ATP6V1E2: variants seen among roughly 807,000 people sequenced by gnomAD.
ATP6V1E2 encodes the protein V-type proton ATPase subunit E 2.
For missense variants in ATP6V1E2, 308 were observed against 273.3 expected (o/e 1.13, Z -0.90); for synonymous variants, 121 against 104.2 (o/e 1.16, Z -0.98).
intron 4 of ATP6V1E2, among the ~76,000 whole-genome samples, chr2:46,515,870 C>T (rs1390347766): frequency 6.6e-6 from 1 of 152,092 alleles, no homozygotes; most frequent in Non-Finnish European, 1.5e-5. Flanking sequence ...CAAGAGAGGG[C>T]AGGGGTGGCC....
intron 4 of ATP6V1E2, among the ~76,000 whole-genome samples, chr2:46,518,758 TTGTGTGTGTGTGTGTGTGTGTGTGTGTG>T (rs70940621): frequency 2.0e-4 from 28 of 140,630 alleles, no homozygotes; most frequent in South Asian, 6.8e-4. Context: ...CAAGTCAATT[TTGTGTGTGTGTGTGTGTGTGTGTGTGTG>T]TGTGTGTGTG....
rs543702469 is a variant in ATP6V1E2, at chr2:46,525,389, A to G, written c.-102+10424T>C. On this transcript the variant is annotated intron_variant, in intron 4 of 4. Coordinates refer to ENST00000522587, the MANE Select transcript of ATP6V1E2 (RefSeq NM_001318063.2). ...AGGCAGGAGAATGGCGTGAACCCGG[A>G]AGGCGGAGCTTGCAGTGAGCCGAGA... 9.6e-3 allele frequency among the ~76,000 whole-genome samples: 1,428 copies of G among 149,238 alleles called. 20 individuals carry two copies. Among genetic ancestry groups the G allele is most frequent in the African/African-American group, 0.032 (1,293 of 40,882 alleles).
chr2:46,514,295 TAAAAAGA>T (rs113728104), intron 4 of ATP6V1E2, among the ~76,000 whole-genome samples: 7 of 149,798 alleles, frequency 4.7e-5, no homozygotes, highest in South Asian at 2.1e-4. Flanking sequence ...AATAAATAAA[TAAAAAGA>T]AAAAAGAAAA....
At chr2:46,524,393 A>G (rs1473822489) in intron 4 of ATP6V1E2, among the ~76,000 whole-genome samples, 1 of 152,230 alleles carries the variant, frequency 6.6e-6, no homozygotes, top group African/African-American at 2.4e-5. Flanking sequence ...TCAACATAGT[A>G]CCTTAACTTG....
intron 3 of ATP6V1E2, 133 bp from the exon 4 acceptor site, chr2:46,536,060 G>A (rs952419737): frequency 6.6e-6 from 1 of 152,216 alleles, no homozygotes; most frequent in Non-Finnish European, 1.5e-5. Context: ...CTAAGGAAAT[G>A]TCCTTTCCTA....
At chr2:46,518,243 T>G (rs1021520287) in intron 4 of ATP6V1E2, among the ~76,000 whole-genome samples, 28 of 152,188 alleles carry the variant, frequency 1.8e-4, no homozygotes, top group African/African-American at 6.5e-4. Flanking sequence ...AATAAGCCCA[T>G]GATAGAAGAT....
chr2:46,518,443 A>G (rs1435668719), intron 4 of ATP6V1E2, among the ~76,000 whole-genome samples: 1 of 151,266 alleles, frequency 6.6e-6, no homozygotes, highest in Non-Finnish European at 1.5e-5. Flanking sequence ...ACATACAGTT[A>G]ACAGTACTGT....
chr2:46,521,079 G>C (rs1288285509), intron 4 of ATP6V1E2, among the ~76,000 whole-genome samples: 1 of 152,146 alleles, frequency 6.6e-6, no homozygotes, highest in South Asian at 2.1e-4. Context: ...CGTGGGAAAG[G>C]TCTTTATTTC....
At chr2:46,529,807 T>G (rs190886472) in intron 4 of ATP6V1E2, among the ~76,000 whole-genome samples, 341 of 152,002 alleles carry the variant, frequency 2.2e-3, no homozygotes, top group African/African-American at 7.8e-3. Context: ...ATTGAACCCA[T>G]GGATGAATGA....
At chr2:46,515,169 C>T (rs753664250) in intron 4 of ATP6V1E2, among the ~76,000 whole-genome samples, 1 of 152,108 alleles carries the variant, frequency 6.6e-6, no homozygotes, top group Non-Finnish European at 1.5e-5. Context: ...GGCCACTAGA[C>T]AGCATATGAA....
chr2:46,532,288 T>C (rs7607633), intron 4 of ATP6V1E2, among the ~76,000 whole-genome samples: 31,309 of 151,634 alleles, frequency 0.21, 3,915 homozygotes, highest in Admixed American at 0.29. Context: ...CCTAAGACCA[T>C]TGAATGATCT....
intron 4 of ATP6V1E2, chr2:46,519,864 T>C (rs910520752): frequency 2.6e-5 from 4 of 152,208 alleles, no homozygotes; most frequent in Non-Finnish European, 5.9e-5. Context: ...TATGAATGAT[T>C]AGGTTTCCAC....
intron 4 of ATP6V1E2, among the ~76,000 whole-genome samples, chr2:46,518,756 TTTTG>T (rs1666438873): frequency 1.7e-5 from 2 of 115,232 alleles, no homozygotes; most frequent in South Asian, 5.8e-4. Context: ...GACAAGTCAA[TTTTG>T]TGTGTGTGTG....
chr2:46,533,037 G>T (rs1667255950), intron 4 of ATP6V1E2, among the ~76,000 whole-genome samples: 1 of 150,392 alleles, frequency 6.6e-6, no homozygotes. Context: ...TATTAGTTTT[G>T]CCTTAGATGG....
Position 46,541,770 on chromosome 2 carries a change from G to T in ATP6V1E2, c.-373-317C>A, listed in dbSNP as rs1222749415. On this transcript the variant is annotated intron_variant, in intron 1 of 4. Coordinates refer to ENST00000522587, the MANE Select transcript of ATP6V1E2 (RefSeq NM_001318063.2). ...GTTCAATGCTGCATTCTTGGCCAGT[G>T]AACAGGACCTGGCCAGATGGGTGTG... 3 of 152,334 alleles carry T rather than the reference G, an allele frequency of 2.0e-5. No homozygotes were observed. The South Asian group carries it at 6.2e-4, about 32-fold the overall frequency. 9.4% of individuals were successfully genotyped at this position (152,334 alleles called of 1,614,324 possible). A position where few individuals can be genotyped will look rare whatever the true frequency, so the allele number is the denominator to read the frequency against.
At chr2:46,534,149 A>G (rs1667328175) in intron 4 of ATP6V1E2, among the ~76,000 whole-genome samples, 1 of 152,152 alleles carries the variant, frequency 6.6e-6, no homozygotes, top group Non-Finnish European at 1.5e-5. Flanking sequence ...TGGCCTTCAA[A>G]TCATCACCGT....
chr2:46,526,320 AG>A (rs1666918218), intron 4 of ATP6V1E2, among the ~76,000 whole-genome samples: 1 of 152,052 alleles, frequency 6.6e-6, no homozygotes, highest in Non-Finnish European at 1.5e-5. Flanking sequence ...TCACCATGTT[AG>A]CCAGACTGGT....
rs755371254 is a variant in ATP6V1E2, at chr2:46,512,247, G to A, written c.465C>T (p.Tyr155=). Residue 155 remains tyrosine, a synonymous_variant, in exon 5 of 5, where the codon TAC becomes TAT. Transcript: ENST00000522587. ...EAAVQKAIPE[Y]MTISQKHVEV... ...CCACATGTTTCTGGGAAATTGTCAT[G>A]TACTCGGGGATGGCTTTTTGTACAG... 48 of 1,613,772 alleles carry A rather than the reference G, an allele frequency of 3.0e-5. No individual in the cohort carries two copies. In the South Asian group the frequency reaches 4.5e-4, roughly 15 times the overall value.
At chr2:46,514,648 T>C (rs1201780892) in intron 4 of ATP6V1E2, among the ~76,000 whole-genome samples, 1 of 152,190 alleles carries the variant, frequency 6.6e-6, no homozygotes, top group East Asian at 1.9e-4. Flanking sequence ...AAAGAAAGCC[T>C]AAGAGACTTA....
Sources: allele counts gnomAD v4.1 joint callset (sites outside exome capture counted in the v4.1 genomes callset), GRCh38; gene constraint gnomAD v4.1.1; transcripts MANE v1.5; gene names NCBI Gene and HGNC (gene_info 2026-07-23, HGNC 2026-07-21).